Variants in PLA2G4C observed in about 807,000 individuals in gnomAD.
PLA2G4C encodes the protein phospholipase A2 group IVC.
PLA2G4C carries 64 observed loss-of-function variants against 73.8 expected under a neutral mutation model. The ratio of observed to expected loss-of-function variants is 0.87; its 90% CI spans 0.71 to 1.07. PLA2G4C has a LOEUF of 1.07. PLA2G4C is among the 50% of genes least tolerant of loss of function. The probability of loss-of-function intolerance (pLI) is 0.00; values close to 1 mark genes in which losing one functional copy is unlikely to be tolerated. For missense variants in PLA2G4C, 622 were observed against 665.4 expected, an observed-to-expected ratio of 0.93 and a Z score of 0.72; for synonymous variants, 254 against 252.1, an observed-to-expected ratio of 1.01 and a Z score of -0.07.
chr19:48,055,190 A>T, intron 14 of PLA2G4C, 141 bp from the exon 15 acceptor site: 1 of 718,820 alleles, frequency 1.4e-6, no homozygotes, highest in South Asian at 1.8e-5. Context: ...GGACAGGGAC[A>T]ACATCTTCTG....
intron 15 of PLA2G4C, among the ~76,000 whole-genome samples, chr19:48,053,379 T>TC (rs1967804699): frequency 6.8e-6 from 1 of 146,750 alleles, no homozygotes; most frequent in Non-Finnish European, 1.5e-5. Context: ...TTTTTTTTTT[T>TC]TTTTTTTGAG....
At position 48,110,757 on chromosome 19, in the gene PLA2G4C, C is replaced by T; in HGVS notation, c.-303G>A. 1 of 421,424 alleles carries T rather than the reference C, an allele frequency of 2.4e-6. No individual in the cohort carries two copies. Among genetic ancestry groups the T allele is most frequent in the South Asian group, 5.6e-5 (1 of 17,984 alleles). The allele number at this position is 421,424 out of a possible 1,614,324, so 26.1% of individuals were successfully genotyped here. A position where few individuals can be genotyped will look rare whatever the true frequency, so the allele number is the denominator to read the frequency against. ...CAACCTGGAGGTAAAATGGCCCCTG[C>T]GCCTTTAAACAGCCCTCCTCGGCTT... On this transcript the variant is annotated 5_prime_UTR_variant, in exon 1 of 17. Transcript: ENST00000599921.
At position 48,061,985 on chromosome 19, in the gene PLA2G4C, C is replaced by T; in HGVS notation, c.1257+13G>A. 6.2e-7 allele frequency: 1 copy of T among 1,613,398 alleles called. No individual in the cohort carries two copies. The highest frequency in any genetic ancestry group is 1.7e-4 in the Middle Eastern group (1 of 6,058). On this transcript the variant is annotated intron_variant, in intron 14 of 16. Transcript: ENST00000599921. The stretch of plus-strand genomic sequence containing the variant: ...TCCCACCCAGGACCGGCCCCAAAGC[C>T]CTTCTCGATTACCTCGAAAGGATCT...
chr19:48,109,476 C>G (rs769698174), intron 1 of PLA2G4C, among the ~76,000 whole-genome samples: 2 of 151,984 alleles, frequency 1.3e-5, no homozygotes, highest in African/African-American at 2.4e-5. Context: ...CTTGTTATGT[C>G]ACCCAGGCTG....
At chr19:48,053,550 T>C (rs534818780) in intron 15 of PLA2G4C, among the ~76,000 whole-genome samples, 1 of 152,178 alleles carries the variant, frequency 6.6e-6, no homozygotes, top group East Asian at 1.9e-4. Context: ...TTTGTATTTT[T>C]TAATAGAGAC....
At chr19:48,092,723 A>T (rs908123023) in intron 7 of PLA2G4C, among the ~76,000 whole-genome samples, 2 of 152,160 alleles carry the variant, frequency 1.3e-5, no homozygotes, top group Admixed American at 1.3e-4. Context: ...GTAGAGGCAG[A>T]AGGTAGCATT....
chr19:48,057,483 CTTTT>C (rs1171271257), intron 14 of PLA2G4C, among the ~76,000 whole-genome samples: 18 of 17,922 alleles, frequency 1.0e-3, no homozygotes, highest in African/African-American at 2.3e-3. Context: ...TCTTCTTCTT[CTTTT>C]TTTTTTTTTT....
In PLA2G4C at chr19:48,110,548, C is replaced by CGGAGGCTTGGGCTCCGGAATCCGGTGT; in HGVS notation, c.-95_-94insACACCGGATTCCGGAGCCCAAGCCTCC. The CGGAGGCTTGGGCTCCGGAATCCGGTGT allele has an allele frequency of 5.9e-6, 9 of 1,527,010 alleles. 2 individuals carry two copies. The highest frequency in any genetic ancestry group is 2.0e-5 in the Admixed American group (1 of 49,582). 94.6% of individuals were successfully genotyped at this position (1,527,010 alleles called of 1,614,324 possible). ...GGAGCTTGTGCTCCGGAATCCGGTG[C>CGGAGGCTTGGGCTCCGGAATCCGGTGT]GGAGGCTTGGGCTCCCTGCGCTTAG... On this transcript the variant is annotated 5_prime_UTR_variant, in exon 1 of 17. Transcript: ENST00000599921.
At position 48,110,534 on chromosome 19, in the gene PLA2G4C, TCC is replaced by T; in HGVS notation, c.-82_-81del. 6.5e-7 allele frequency: 1 copy of T among 1,532,894 alleles called. No homozygotes were observed. The highest frequency in any genetic ancestry group is 8.8e-7 in the Non-Finnish European group (1 of 1,142,700). 95.0% of individuals were successfully genotyped at this position (1,532,894 alleles called of 1,614,324 possible). On this transcript the variant is annotated 5_prime_UTR_variant, in exon 1 of 17. Transcript: ENST00000599921. ...TGCGCATGCGCGGTGGAGCTTGTGC[TCC>T]GGAATCCGGTGCGGAGGCTTGGGCT...
In PLA2G4C at chr19:48,104,721, G is replaced by A; in HGVS notation, c.124C>T (p.Pro42Ser). The change falls in exon 4 of 17, where the codon CCA (proline) becomes TCA (serine). Residue 42 changes from proline to serine, a missense_variant. Physicochemically the swap from Pro to Ser is moderately conservative, Grantham distance 74. Coordinates refer to ENST00000599921, the MANE Select transcript of PLA2G4C (RefSeq NM_003706.3). ...CCTGAGCCCAGCACAGCAACAACTG[G>A]GGCCTAGGCATTGGGGAGAAAATCG... ...KKLRIEADEA[P>S]VVAVLGSGGG... 1 of 1,613,926 alleles carries A rather than the reference G, an allele frequency of 6.2e-7. No individual in the cohort carries two copies. The highest frequency in any genetic ancestry group is 8.5e-7 in the Non-Finnish European group (1 of 1,179,950).
intron 13 of PLA2G4C, among the ~76,000 whole-genome samples, chr19:48,066,869 T>C (rs1968445047): frequency 6.6e-6 from 1 of 151,526 alleles, no homozygotes; most frequent in South Asian, 2.1e-4. Flanking sequence ...TTCGGGAGGC[T>C]GAAATGGGAG....
At chr19:48,097,109 C>T (rs78471016) in intron 6 of PLA2G4C, 12,245 of 144,572 alleles carry the variant, frequency 0.085, 1,328 homozygotes, top group African/African-American at 0.24. Context: ...GAGCCGAGAT[C>T]GTGCCATTGC....
At chr19:48,090,732 G>C (rs1600229543) in intron 7 of PLA2G4C, 2 of 333,182 alleles carry the variant, frequency 6.0e-6, no homozygotes, top group East Asian at 1.3e-4. Context: ...ACCCTTCTCA[G>C]CACACAGGCA....
At chr19:48,067,128 G>C (rs901955288) in intron 13 of PLA2G4C, among the ~76,000 whole-genome samples, 1 of 151,940 alleles carries the variant, frequency 6.6e-6, no homozygotes, top group African/African-American at 2.4e-5. Context: ...CCACCTGAAT[G>C]AGAGGGTCAG....
chr19:48,101,161 G>A (rs1450320981), intron 4 of PLA2G4C, among the ~76,000 whole-genome samples: 1 of 120,950 alleles, frequency 8.3e-6, no homozygotes, highest in Non-Finnish European at 1.6e-5. Context: ...GTCTTGCTCT[G>A]TTGCCCAGAC....
intron 12 of PLA2G4C, among the ~76,000 whole-genome samples, chr19:48,073,556 C>T (rs997329609): frequency 8.6e-5 from 13 of 151,446 alleles, no homozygotes; most frequent in Admixed American, 3.3e-4. Context: ...GATGGATGGC[C>T]GGTTGGGTGG....
In PLA2G4C at chr19:48,077,785, T is replaced by G; in HGVS notation, c.884A>C (p.His295Pro). 6.2e-7 allele frequency: 1 copy of G among 1,606,604 alleles called. No homozygotes were observed. The highest frequency in any genetic ancestry group is 8.5e-7 in the Non-Finnish European group (1 of 1,176,668). Residue 295 changes from histidine (H) to proline (P), a missense_variant, in exon 11 of 17, where the codon CAT becomes CCT. His to Pro is a moderately conservative substitution (Grantham distance 77). Coordinates refer to ENST00000599921, the MANE Select transcript of PLA2G4C (RefSeq NM_003706.3). Reference protein sequence around the residue: ...LRLQESSQGEHPPPEDEGGEP... With the variant: ...LRLQESSQGEPPPPEDEGGEP... ...AGGATGCTTACCTTCTGGGGGAGGA[T>G]GTTCCCCTTGTGAACTTTCTTGCAG...
In PLA2G4C at chr19:48,054,869, T is replaced by C. The variant is rs1346665482; in HGVS notation, c.1429+9A>G. On this transcript the variant is annotated intron_variant, in intron 15 of 16. Coordinates refer to ENST00000599921, the MANE Select transcript of PLA2G4C (RefSeq NM_003706.3). ...GGTGGCTTCTCACCTGCTCCTCCCC[T>C]GCACCTACCTCCACAGGCATCTATG... The C allele has an allele frequency of 6.2e-7, 1 of 1,613,726 alleles. No individual in the cohort carries two copies. The highest frequency in any genetic ancestry group is 1.1e-5 in the South Asian group (1 of 91,076).
chr19:48,050,600 G>A (rs1050677910), intron 16 of PLA2G4C, among the ~76,000 whole-genome samples: 1 of 150,200 alleles, frequency 6.7e-6, no homozygotes, highest in Non-Finnish European at 1.5e-5. Flanking sequence ...TTGTGTCTGT[G>A]TCTTTGTGGC....
Sources: allele counts gnomAD v4.1 joint callset (sites outside exome capture counted in the v4.1 genomes callset), GRCh38; gene constraint gnomAD v4.1.1; transcripts MANE v1.5; gene names NCBI Gene and HGNC (gene_info 2026-07-23, HGNC 2026-07-21).